The following ADAMTSL2 variants were observed in gnomAD, a reference collection of about 807,000 sequenced individuals.
ADAMTSL2 encodes ADAMTS like 2, also known as ADAMTS-like protein 2.
Under a neutral mutation model 117.0 loss-of-function variants are expected in ADAMTSL2, and 55 were observed. The observed-to-expected ratio is 0.47, with a 90% confidence interval of 0.38 to 0.59. The LOEUF (loss-of-function observed/expected upper bound fraction) is 0.59. Among genes scored for constraint, ADAMTSL2 ranks in the 20% least tolerant of loss-of-function variants. ADAMTSL2 has a pLI of 0.00. For synonymous variants in ADAMTSL2, 572 were observed against 566.4 expected (o/e 1.01, Z -0.14); for missense variants, 1,182 against 1,354.5 (o/e 0.87, Z 2.00).
chr9:133,557,394 C>T lies in ADAMTSL2; in HGVS notation c.1649+1464C>T, dbSNP rs967368157. Among the ~76,000 whole-genome samples, 1 of 152,208 alleles carries T rather than the reference C, an allele frequency of 6.6e-6. No individual in the cohort carries two copies. Among genetic ancestry groups the T allele is most frequent in the Non-Finnish European group, 1.5e-5 (1 of 68,038 alleles). ...GGCCTCGGAGCCTCCTCTGGCTGCC[C>T]CTCTTCCCACAGGGGTGGCACAGGG... On this transcript the variant is annotated intron_variant, in intron 11 of 18. Transcript: ENST00000651351. This position sits in a 1 kb window ranked among gnomAD's most constrained non-coding sequence, Gnocchi z 5.2.
chr9:133,534,901 T>A lies in ADAMTSL2; in HGVS notation c.-167T>A. On this transcript the variant is annotated 5_prime_UTR_variant, in exon 1 of 19. Coordinates refer to ENST00000651351, the MANE Select transcript of ADAMTSL2 (RefSeq NM_014694.4). ...CGCCCCTTTCTCTGGGAGGACAACCTGCTGACCCGAAGCCAGGTAGGCCAC... is the reference window on the plus strand; with the variant it reads ...CGCCCCTTTCTCTGGGAGGACAACCAGCTGACCCGAAGCCAGGTAGGCCAC... The A allele has an allele frequency of 7.0e-7, 1 of 1,421,800 alleles. No individual in the cohort carries two copies. The highest frequency in any genetic ancestry group is 9.2e-7 in the Non-Finnish European group (1 of 1,082,236). The allele number at this position is 1,421,800 out of a possible 1,614,324, so 88.1% of individuals were successfully genotyped here. A position where few individuals can be genotyped will look rare whatever the true frequency, so the allele number is the denominator to read the frequency against.
At chr9:133,551,939 C>T (rs961934508) in intron 9 of ADAMTSL2, among the ~76,000 whole-genome samples, 1 of 151,646 alleles carries the variant, frequency 6.6e-6, no homozygotes, top group Non-Finnish European at 1.5e-5. Context: ...AAACGATTCT[C>T]CTGCCTCAGC....
rs1030152468 is a variant in ADAMTSL2 at position 133,557,113 on chromosome 9, A to G, written c.1649+1183A>G. On this transcript the variant is annotated intron_variant, in intron 11 of 18. Transcript: ENST00000651351. This position sits in a 1 kb window ranked among gnomAD's most constrained non-coding sequence, Gnocchi z 5.2. Reference sequence around the variant, plus strand: ...GTCTTCCTTGGGGCTCAGGGACTGAATTTGATGGGAGATTCAGGGTTCACT... The same window carrying G: ...GTCTTCCTTGGGGCTCAGGGACTGAGTTTGATGGGAGATTCAGGGTTCACT... Among the ~76,000 whole-genome samples the G allele has an allele frequency of 6.6e-6, 1 of 152,018 alleles. No homozygotes were observed. The highest frequency in any genetic ancestry group is 1.5e-5 in the Non-Finnish European group (1 of 67,988).
intron 2 of ADAMTSL2, 112 bp from the exon 3 acceptor site, chr9:133,537,293 G>A: frequency 8.4e-7 from 1 of 1,190,194 alleles, no homozygotes; most frequent in Non-Finnish European, 1.1e-6. Context: ...CCCAGCCAGG[G>A]GGCTGTGTCT....
At position 133,536,882 on chromosome 9, in the gene ADAMTSL2, G is replaced by A. The variant is rs1247316012; in HGVS notation, c.90+80G>A. 5 of 1,599,060 alleles carry A rather than the reference G, an allele frequency of 3.1e-6. No individual in the cohort carries two copies. The East Asian group carries it at 6.7e-5, about 21-fold the overall frequency. Reference sequence around the variant, plus strand: ...TGATCACTCTCAGATGGACTGGCTTGGAGGGAGCCGTGTGGGCACGTGCCC... The same window carrying A: ...TGATCACTCTCAGATGGACTGGCTTAGAGGGAGCCGTGTGGGCACGTGCCC... On this transcript the variant is annotated intron_variant, in intron 2 of 18. Transcript: ENST00000651351.
chr9:133,564,637 A>AGG (rs1564179034), intron 12 of ADAMTSL2, among the ~76,000 whole-genome samples: 1 of 24,232 alleles, frequency 4.1e-5, no homozygotes, highest in African/African-American at 1.6e-4. Context: ...AGAGAGAGAG[A>AGG]GAGGGAGAGA....
chr9:133,567,396 A>G (rs1357531910), intron 13 of ADAMTSL2, among the ~76,000 whole-genome samples: 5 of 152,240 alleles, frequency 3.3e-5, no homozygotes, highest in African/African-American at 1.2e-4. Context: ...TATAAACTCA[A>G]GGGATTATTC....
intron 18 of ADAMTSL2, among the ~76,000 whole-genome samples, chr9:133,574,210 C>T (rs1831175927): frequency 6.6e-6 from 1 of 152,140 alleles, no homozygotes; most frequent in Non-Finnish European, 1.5e-5. Flanking sequence ...GACTGGGGCT[C>T]CATGGCCCCA....
Position 133,534,757 on chromosome 9 carries a change from G to C in ADAMTSL2, c.-311G>C, listed in dbSNP as rs1830007862. ...CTCTCTTGGATGCTCTTTGAAGTGG[G>C]AGAGGGAGGCGGCGCGGGGGAGGAG... On this transcript the variant is annotated 5_prime_UTR_variant, in exon 1 of 19. Coordinates refer to ENST00000651351, the MANE Select transcript of ADAMTSL2 (RefSeq NM_014694.4). 1 of 1,456,034 alleles carries C rather than the reference G, an allele frequency of 6.9e-7. No homozygotes were observed. Among genetic ancestry groups the C allele is most frequent in the Non-Finnish European group, 9.1e-7 (1 of 1,097,684 alleles). The allele number at this position is 1,456,034 out of a possible 1,614,324, so 90.2% of individuals were successfully genotyped here. A position where few individuals can be genotyped will look rare whatever the true frequency, so the allele number is the denominator to read the frequency against.
At chr9:133,562,510 G>A (rs1356565581) in intron 12 of ADAMTSL2, among the ~76,000 whole-genome samples, 4,139 of 124,332 alleles carry the variant, frequency 0.033, 165 homozygotes, top group Non-Finnish European at 0.049. Flanking sequence ...GCACCGCCGT[G>A]GGCGGCGTGG....
intron 9 of ADAMTSL2, among the ~76,000 whole-genome samples, chr9:133,547,548 C>T (rs9802542): frequency 6.6e-6 from 1 of 152,156 alleles, no homozygotes; most frequent in Non-Finnish European, 1.5e-5. Flanking sequence ...ATCATTCATT[C>T]CTCCATCCAT....
chr9:133,533,360 T>C (rs1270193807), upstream of ADAMTSL2, among the ~76,000 whole-genome samples: 1 of 152,092 alleles, frequency 6.6e-6, no homozygotes, highest in Non-Finnish European at 1.5e-5. Flanking sequence ...GAGAATGAGA[T>C]GAATAAGACT....
intron 17 of ADAMTSL2, among the ~76,000 whole-genome samples, chr9:133,572,092 T>C (rs1338361145): frequency 1.3e-5 from 2 of 152,110 alleles, no homozygotes; most frequent in African/African-American, 4.8e-5. Context: ...TGCTCAGAGA[T>C]TGGGGTCCAG....
At position 133,566,780 on chromosome 9, in the gene ADAMTSL2, T is replaced by A; in HGVS notation, c.1748-156T>A. ...AGACCCGCACAGCTCAGACCCACAG[T>A]GCTGCCCTCATGCCACAGTTGCACA... On this transcript the variant is annotated intron_variant, in intron 12 of 18. Coordinates refer to ENST00000651351, the MANE Select transcript of ADAMTSL2 (RefSeq NM_014694.4). 3.1e-6 allele frequency: 3 copies of A among 979,954 alleles called. No homozygotes were observed. The South Asian group carries it at 4.2e-5, about 14-fold the overall frequency. 60.7% of individuals were successfully genotyped at this position (979,954 alleles called of 1,614,324 possible). A position where few individuals can be genotyped will look rare whatever the true frequency, so the allele number is the denominator to read the frequency against.
intron 12 of ADAMTSL2, among the ~76,000 whole-genome samples, chr9:133,565,457 G>A (rs374321952): frequency 0.059 from 8,976 of 152,184 alleles, 335 homozygotes; most frequent in South Asian, 0.17. Context: ...CCCCAGCCCC[G>A]CACCTCCCTG....
intron 9 of ADAMTSL2, among the ~76,000 whole-genome samples, chr9:133,550,451 C>T (rs1830456393): frequency 6.6e-6 from 1 of 152,196 alleles, no homozygotes; most frequent in African/African-American, 2.4e-5. Flanking sequence ...AAGCGGGTCC[C>T]TTTGTTTAAT....
intron 5 of ADAMTSL2, 41 bp from the exon 6 acceptor site, chr9:133,540,557 C>T (rs749045853): frequency 6.2e-7 from 1 of 1,609,892 alleles, no homozygotes; most frequent in Non-Finnish European, 8.5e-7. Context: ...CCGGCATTTC[C>T]TGCCCCGCTG....
chr9:133,567,207 C>G, intron 13 of ADAMTSL2, 145 bp downstream of exon 13: 1 of 1,044,922 alleles, frequency 9.6e-7, no homozygotes, highest in South Asian at 1.6e-5. Flanking sequence ...GGCATACAGA[C>G]CTCACCCCTC....
At chr9:133,537,263 C>G in intron 2 of ADAMTSL2, 142 bp from the exon 3 acceptor site, 1 of 925,040 alleles carries the variant, frequency 1.1e-6, no homozygotes, top group Non-Finnish European at 1.5e-6. Flanking sequence ...CCCAAGCTGC[C>G]GAGTGACCCT....
Sources: gnomAD v4.1 joint callset for allele counts (sites outside exome capture counted in the v4.1 genomes callset) on GRCh38, gnomAD v4.1.1 for gene constraint, Gnocchi (gnomAD v3.1) non-coding constraint, MANE v1.5 for transcripts, NCBI Gene and HGNC (gene_info 2026-07-23, HGNC 2026-07-21) for gene names.